MYRIP: variants seen among roughly 807,000 people sequenced by gnomAD.
The protein encoded by MYRIP is rab effector MyRIP.
In MYRIP, 49 loss-of-function variants were observed where a neutral mutation model predicts 98.0. The ratio of observed to expected loss-of-function variants is 0.50; its 90% CI spans 0.40 to 0.63. The LOEUF (loss-of-function observed/expected upper bound fraction) is 0.63, where lower values mean the gene tolerates loss of function less well. Ranked by LOEUF, MYRIP falls within the 30% of genes least tolerant of loss-of-function variation. MYRIP has a pLI of 0.00. For synonymous variants in MYRIP, 404 were observed against 409.5 expected, an observed-to-expected ratio of 0.99 and a Z score of 0.16; for missense variants, 1,004 against 1,058.2, an observed-to-expected ratio of 0.95 and a Z score of 0.71.
intron 2 of MYRIP, among the ~76,000 whole-genome samples, chr3:39,948,524 T>C (rs1036467715): frequency 6.6e-6 from 1 of 152,056 alleles, no homozygotes; most frequent in Non-Finnish European, 1.5e-5. Context: ...TAAGTAATAA[T>C]TTAAATAAAA....
intron 3 of MYRIP, among the ~76,000 whole-genome samples, chr3:40,069,510 G>A (rs1156363800): frequency 6.6e-6 from 1 of 151,356 alleles, no homozygotes; most frequent in East Asian, 1.9e-4. Flanking sequence ...ATGTTGTTGT[G>A]CAACCATCAC....
intron 2 of MYRIP, among the ~76,000 whole-genome samples, chr3:39,998,502 C>A (rs1946428845): frequency 6.6e-6 from 1 of 152,180 alleles, no homozygotes; most frequent in African/African-American, 2.4e-5. Context: ...AGGAGAACTA[C>A]AAACCACTGC....
At chr3:39,984,143 C>G (rs1166554406) in intron 2 of MYRIP, among the ~76,000 whole-genome samples, 1 of 152,054 alleles carries the variant, frequency 6.6e-6, no homozygotes, top group Non-Finnish European at 1.5e-5. Flanking sequence ...CCAACTTAGA[C>G]AGACTAGGGA....
At chr3:40,247,384 T>C (rs1416580194) in intron 13 of MYRIP, among the ~76,000 whole-genome samples, 1 of 152,202 alleles carries the variant, frequency 6.6e-6, no homozygotes, top group Non-Finnish European at 1.5e-5. Flanking sequence ...CACATTATTG[T>C]ATTTATTTTT....
intron 2 of MYRIP, among the ~76,000 whole-genome samples, chr3:39,933,108 A>G (rs894776245): frequency 3.9e-5 from 6 of 152,184 alleles, no homozygotes; most frequent in Non-Finnish European, 8.8e-5. Context: ...CTGATTTCTT[A>G]TTTATTCACC....
intron 4 of MYRIP, among the ~76,000 whole-genome samples, chr3:40,158,067 A>G (rs553474626): frequency 9.9e-5 from 15 of 151,818 alleles, no homozygotes; most frequent in Admixed American, 2.0e-4. Context: ...TTGCTTTTCT[A>G]GTTCTTTTAA....
intron 8 of MYRIP, among the ~76,000 whole-genome samples, chr3:40,180,033 C>A (rs920126403): frequency 7.9e-5 from 12 of 152,202 alleles, no homozygotes; most frequent in African/African-American, 2.7e-4. Flanking sequence ...GAATACCTAG[C>A]CCTGTGAAAA....
In MYRIP at chr3:39,946,108, A is replaced by G. The variant is rs1413148733; in HGVS notation, c.110+45182A>G. Among the ~76,000 whole-genome samples the G allele has an allele frequency of 3.3e-5, 5 of 152,268 alleles. No individual in the cohort carries two copies. In the East Asian group the frequency reaches 7.7e-4, roughly 23 times the overall value. The stretch of plus-strand genomic sequence containing the variant: ...TCCCTAGAATGTCAAGGGAGTGGCA[A>G]TAAAACACAAAATAAAATGACACAG... On this transcript the variant is annotated intron_variant, in intron 2 of 16. Transcript: ENST00000302541.
chr3:39,936,183 C>G (rs1182918279), intron 2 of MYRIP, among the ~76,000 whole-genome samples: 2 of 152,100 alleles, frequency 1.3e-5, no homozygotes, highest in Admixed American at 6.6e-5. Context: ...TAGGTATCTG[C>G]AATAATGAGT....
intron 2 of MYRIP, among the ~76,000 whole-genome samples, chr3:39,978,938 A>G (rs1945818619): frequency 6.6e-6 from 1 of 151,420 alleles, no homozygotes; most frequent in South Asian, 2.1e-4. Flanking sequence ...AGATTTTCTT[A>G]TTACCTCCAC....
chr3:40,195,304 C>A (rs57100285), intron 10 of MYRIP, among the ~76,000 whole-genome samples: 1 of 151,882 alleles, frequency 6.6e-6, no homozygotes, highest in Admixed American at 6.6e-5. Context: ...TTTCATTTTA[C>A]GTTATTTTTG....
intron 1 of MYRIP, among the ~76,000 whole-genome samples, chr3:39,830,127 G>T (rs1941396662): frequency 1.3e-5 from 2 of 152,118 alleles, no homozygotes; most frequent in African/African-American, 2.4e-5. Context: ...AACCCCAGTT[G>T]CTTGAGATTC....
At chr3:40,106,350 A>T (rs1210741128) in intron 3 of MYRIP, among the ~76,000 whole-genome samples, 2 of 152,032 alleles carry the variant, frequency 1.3e-5, no homozygotes, top group African/African-American at 4.8e-5. Flanking sequence ...TTTTTGGTGG[A>T]TATGGAGATC....
At chr3:40,048,175 A>G (rs1339994347) in intron 3 of MYRIP, among the ~76,000 whole-genome samples, 1 of 152,178 alleles carries the variant, frequency 6.6e-6, no homozygotes, top group African/African-American at 2.4e-5. Flanking sequence ...GTGTTTGTAT[A>G]TGAAATCTCA....
intron 2 of MYRIP, among the ~76,000 whole-genome samples, chr3:39,993,901 G>T (rs915554384): frequency 6.6e-6 from 1 of 152,122 alleles, no homozygotes; most frequent in Non-Finnish European, 1.5e-5. Context: ...TCTTTACCAT[G>T]ATTTCAGTTA....
Position 40,258,191 on chromosome 3 carries a change from A to T in MYRIP, c.*25A>T. 1 of 1,614,064 alleles carries T rather than the reference A, an allele frequency of 6.2e-7. No homozygotes were observed. The highest frequency in any genetic ancestry group is 1.1e-5 in the South Asian group (1 of 91,080). On this transcript the variant is annotated 3_prime_UTR_variant, in exon 17 of 17. Coordinates refer to ENST00000302541, the MANE Select transcript of MYRIP (RefSeq NM_015460.4). ...ACACCATGGAATTCCACTGCCAGTG[A>T]CCCACTGCCTCCGGCCGTACACGAC...
intron 2 of MYRIP, among the ~76,000 whole-genome samples, chr3:39,972,932 C>T (rs1345252696): frequency 6.6e-6 from 1 of 151,544 alleles, no homozygotes; most frequent in African/African-American, 2.4e-5. Context: ...ATCATACTGT[C>T]TTTGTGTTTT....
chr3:40,253,951 TTC>T (rs1953481686), intron 16 of MYRIP, among the ~76,000 whole-genome samples: 1 of 152,204 alleles, frequency 6.6e-6, no homozygotes, highest in South Asian at 2.1e-4. Context: ...ACAATTTTTA[TTC>T]TGTTTTCAGT....
chr3:40,015,305 T>G (rs1400758230), intron 2 of MYRIP, among the ~76,000 whole-genome samples: 1 of 152,214 alleles, frequency 6.6e-6, no homozygotes, highest in Non-Finnish European at 1.5e-5. Flanking sequence ...TGTTCAGGTT[T>G]GTTGCAGGCC....
Sources: allele counts gnomAD v4.1 joint callset (sites outside exome capture counted in the v4.1 genomes callset), GRCh38; gene constraint gnomAD v4.1.1; transcripts MANE v1.5; gene names NCBI Gene and HGNC (gene_info 2026-07-23, HGNC 2026-07-21).